The following KAZN variants were observed in gnomAD, a reference collection of about 807,000 sequenced individuals.
The protein encoded by KAZN is kazrin.
In KAZN, 40 loss-of-function variants were observed where a neutral mutation model predicts 87.4. The observed-to-expected ratio is 0.46, with a 90% CI of 0.36 to 0.60. The LOEUF (loss-of-function observed/expected upper bound fraction) is 0.60, where lower values mean the gene tolerates loss of function less well. KAZN is among the 20% of genes least tolerant of loss of function. The probability of loss-of-function intolerance (pLI) is 0.00; values close to 1 mark genes in which losing one functional copy is unlikely to be tolerated. For synonymous variants in KAZN, 466 were observed against 458.3 expected, an observed-to-expected ratio of 1.02 and a Z score of -0.22; for missense variants, 898 against 1,073.9, an observed-to-expected ratio of 0.84 and a Z score of 2.29.
chr1:14,762,237 A>G (rs1053955824), intron 1 of KAZN, among the ~76,000 whole-genome samples: 1 of 152,146 alleles, frequency 6.6e-6, no homozygotes, highest in Non-Finnish European at 1.5e-5. Flanking sequence ...CCGCCATTCG[A>G]TGGGGAAGGG....
intron 1 of KAZN, among the ~76,000 whole-genome samples, chr1:14,959,531 C>T (rs542011791): frequency 2.6e-5 from 4 of 151,972 alleles, no homozygotes; most frequent in South Asian, 2.1e-4. Context: ...AGGCAGTGTG[C>T]GGAGGGTGGG....
chr1:14,358,421 C>T (rs1659225503), intron 2 of KAZN, among the ~76,000 whole-genome samples: 2 of 149,126 alleles, frequency 1.3e-5, no homozygotes, highest in Non-Finnish European at 1.5e-5. Flanking sequence ...GTCTCTATCT[C>T]CTTCAGTTCT....
intron 1 of KAZN, among the ~76,000 whole-genome samples, chr1:14,064,498 G>C (rs1438882513): frequency 6.6e-6 from 1 of 152,216 alleles, no homozygotes; most frequent in Admixed American, 6.5e-5. Flanking sequence ...GCTGTAGAGG[G>C]GCTCACTAAG....
At chr1:14,483,835 C>T (rs573601101) in intron 2 of KAZN, among the ~76,000 whole-genome samples, 13 of 152,170 alleles carry the variant, frequency 8.5e-5, no homozygotes, top group Non-Finnish European at 1.3e-4. Flanking sequence ...AAAATCATTG[C>T]TCTGACCAGT....
intron 2 of KAZN, among the ~76,000 whole-genome samples, chr1:14,428,464 G>A (rs565343664): frequency 1.2e-3 from 184 of 152,254 alleles, no homozygotes; most frequent in Non-Finnish European, 1.5e-3. Flanking sequence ...ACAAGAATTT[G>A]ATACAAATAA....
exon 1 of KAZN, chr1:13,893,528 G>T (rs933433525): frequency 2.2e-6 from 3 of 1,377,894 alleles, no homozygotes; most frequent in Non-Finnish European, 9.7e-7. Context: ...TATAAACTTT[G>T]GGGGCGGGGA....
chr1:14,421,364 G>A (rs988348987), intron 2 of KAZN, among the ~76,000 whole-genome samples: 1 of 152,108 alleles, frequency 6.6e-6, no homozygotes, highest in Non-Finnish European at 1.5e-5. Flanking sequence ...TCTTGGGGGT[G>A]CTATGCTCTA....
intron 1 of KAZN, among the ~76,000 whole-genome samples, chr1:14,838,283 C>G (rs540464806): frequency 6.6e-6 from 1 of 152,164 alleles, no homozygotes; most frequent in Non-Finnish European, 1.5e-5. Context: ...AAGGCCCTAC[C>G]GCTGTATACT....
intron 2 of KAZN, among the ~76,000 whole-genome samples, chr1:14,537,847 G>A (rs1263071862): frequency 1.3e-5 from 2 of 152,176 alleles, no homozygotes; most frequent in African/African-American, 4.8e-5. Context: ...TAGCCCCCTG[G>A]TAACCTGATG....
At chr1:14,598,557 G>C, upstream of KAZN, 2 of 560,150 alleles carry the variant, frequency 3.6e-6, no homozygotes, top group Non-Finnish European at 4.6e-6. The surrounding 1 kb of genome is among the most constrained non-coding windows in gnomAD (Gnocchi z 4.2). Context: ...GCCCCCCCGG[G>C]GGGTGTGTCT....
rs372488144 is a variant in KAZN at position 14,916,748 on chromosome 1, C to CA, written c.227-43928dup. 7.4e-3 allele frequency among the ~76,000 whole-genome samples: 1,115 copies of CA among 151,576 alleles called. 14 individuals are homozygous for CA. Among genetic ancestry groups the CA allele is most frequent in the African/African-American group, 0.024 (995 of 41,324 alleles). ...GCAACACAGTGAGACCCTATATCTA[C>CA]AAAAAAAATTAAAAATTAGCTGGGC... On this transcript the variant is annotated intron_variant, in intron 1 of 14. Coordinates refer to ENST00000376030, the MANE Select transcript of KAZN (RefSeq NM_201628.3).
At chr1:14,577,052 G>A (rs1393398901) in intron 2 of KAZN, among the ~76,000 whole-genome samples, 1 of 152,226 alleles carries the variant, frequency 6.6e-6, no homozygotes, top group Non-Finnish European at 1.5e-5. Flanking sequence ...TGATTAAAAT[G>A]TGAGAGGAAT....
At chr1:14,890,566 G>C (rs1377397880) in intron 1 of KAZN, among the ~76,000 whole-genome samples, 1 of 152,042 alleles carries the variant, frequency 6.6e-6, no homozygotes, top group Admixed American at 6.5e-5. Context: ...ATTTTTAAAG[G>C]CAGGCCATAG....
chr1:14,653,647 C>T (rs10803294), intron 1 of KAZN, among the ~76,000 whole-genome samples: 30,466 of 152,164 alleles, frequency 0.2, 3,157 homozygotes, highest in South Asian at 0.27. Context: ...TAGGCCACAT[C>T]CCTCGGGGTT....
intron 1 of KAZN, among the ~76,000 whole-genome samples, chr1:14,099,633 C>T (rs1206059522): frequency 1.3e-5 from 2 of 152,192 alleles, no homozygotes; most frequent in African/African-American, 2.4e-5. Context: ...AGTTTTTGGC[C>T]TAGTCCTGCC....
intron 2 of KAZN, among the ~76,000 whole-genome samples, chr1:14,246,129 C>G (rs1275952275): frequency 6.6e-6 from 1 of 152,084 alleles, no homozygotes; most frequent in African/African-American, 2.4e-5. Flanking sequence ...ACAATGAGAA[C>G]ATATGGACAC....
intron 6 of KAZN, chr1:15,063,300 GCTAATTTGTT>G: frequency 2.0e-6 from 1 of 504,264 alleles, no homozygotes; most frequent in Non-Finnish European, 3.6e-6. Flanking sequence ...CCCTGGAGTG[GCTAATTTGTT>G]GGTCAGAAGA....
At chr1:14,534,279 A>G (rs907285104) in intron 2 of KAZN, among the ~76,000 whole-genome samples, 1 of 152,330 alleles carries the variant, frequency 6.6e-6, no homozygotes, top group Admixed American at 6.5e-5. Flanking sequence ...AGAAACATAT[A>G]TTCCATGTCC....
chr1:13,923,564 C>A (rs1325226796), intron 1 of KAZN, among the ~76,000 whole-genome samples: 2 of 122,534 alleles, frequency 1.6e-5, no homozygotes, highest in Non-Finnish European at 3.2e-5. Flanking sequence ...CAGAGCGAGA[C>A]TCCATCTCAA....
Sources: allele counts gnomAD v4.1 joint callset (sites outside exome capture counted in the v4.1 genomes callset), GRCh38; gene constraint gnomAD v4.1.1; non-coding constraint Gnocchi (gnomAD v3.1); transcripts MANE v1.5; gene names NCBI Gene and HGNC (gene_info 2026-07-23, HGNC 2026-07-21).